The following NEGR1 variants were observed in gnomAD, a reference collection of about 807,000 sequenced individuals.
NEGR1 encodes the protein IgLON family member 4.
A neutral mutation model predicts 40.9 loss-of-function variants in NEGR1; 10 were observed. The ratio of observed to expected loss-of-function variants is 0.24; its 90% CI spans 0.15 to 0.42. The LOEUF (loss-of-function observed/expected upper bound fraction) is 0.42. NEGR1 is among the 10% of genes least tolerant of loss of function. The pLI, the probability that NEGR1 is intolerant of heterozygous loss-of-function variation, is 1.00. For synonymous variants in NEGR1, 185 were observed against 166.8 expected, an observed-to-expected ratio of 1.11 and a Z score of -0.84; for missense variants, 352 against 438.9, an observed-to-expected ratio of 0.80 and a Z score of 1.77.
At chr1:71,513,924 G>A (rs575097417) in intron 6 of NEGR1, among the ~76,000 whole-genome samples, 6 of 145,336 alleles carry the variant, frequency 4.1e-5, no homozygotes, top group Non-Finnish European at 6.0e-5. Flanking sequence ...AGCGCAAGGG[G>A]TCAGGGAGTT....
At chr1:71,558,744 A>T (rs1553150111) in intron 6 of NEGR1, among the ~76,000 whole-genome samples, 5 of 122,544 alleles carry the variant, frequency 4.1e-5, no homozygotes, top group Non-Finnish European at 3.3e-5. Context: ...TTTTTTTAGC[A>T]CTTCTTTACA....
chr1:71,451,067 A>C (rs1026636098), intron 6 of NEGR1, among the ~76,000 whole-genome samples: 1 of 152,142 alleles, frequency 6.6e-6, no homozygotes, highest in Admixed American at 6.5e-5. Flanking sequence ...CAGACTAGTA[A>C]TCACTTTTCA....
intron 6 of NEGR1, among the ~76,000 whole-genome samples, chr1:71,456,381 T>C (rs563060823): frequency 6.6e-6 from 1 of 152,318 alleles, no homozygotes; most frequent in Admixed American, 6.5e-5. Context: ...CTGCTAGGAT[T>C]GCAACAATGA....
intron 1 of NEGR1, among the ~76,000 whole-genome samples, chr1:72,260,945 GT>G (rs1296924769): frequency 2.0e-5 from 3 of 151,960 alleles, no homozygotes; most frequent in African/African-American, 7.2e-5. Context: ...TAAAATGTCT[GT>G]CCATATTAAT....
intron 2 of NEGR1, among the ~76,000 whole-genome samples, chr1:71,898,650 A>C (rs1051837667): frequency 7.1e-6 from 1 of 139,964 alleles, no homozygotes; most frequent in Non-Finnish European, 1.6e-5. Context: ...AATAAACAAA[A>C]AAACTGCTTT....
chr1:72,134,935 C>T (rs182318316), intron 1 of NEGR1, among the ~76,000 whole-genome samples: 1 of 151,138 alleles, frequency 6.6e-6, no homozygotes, highest in Non-Finnish European at 1.5e-5. Flanking sequence ...CGGGGTTTCT[C>T]CATGTTGGTC....
chr1:71,900,343 C>T (rs540320966), intron 2 of NEGR1, among the ~76,000 whole-genome samples: 20 of 152,106 alleles, frequency 1.3e-4, no homozygotes, highest in Non-Finnish European at 2.8e-4. Context: ...TTATCCTAGT[C>T]ATGCAAATAA....
intron 1 of NEGR1, among the ~76,000 whole-genome samples, chr1:71,984,989 C>T (rs931889466): frequency 2.0e-5 from 3 of 152,030 alleles, no homozygotes; most frequent in Admixed American, 6.6e-5. Flanking sequence ...CTATTATTAT[C>T]CCTATTTTTC....
chr1:71,742,985 A>G (rs1008642900), intron 3 of NEGR1, among the ~76,000 whole-genome samples: 1 of 152,144 alleles, frequency 6.6e-6, no homozygotes, highest in Non-Finnish European at 1.5e-5. Flanking sequence ...CTCTTAAAAG[A>G]AGACACAAGA....
chr1:71,646,578 G>A (rs976554997), intron 4 of NEGR1, among the ~76,000 whole-genome samples: 3 of 151,836 alleles, frequency 2.0e-5, no homozygotes, highest in African/African-American at 7.2e-5. Flanking sequence ...GTGTACCAGA[G>A]AGCAAGACAA....
At chr1:71,597,452 C>CTG (rs1649753995) in intron 5 of NEGR1, among the ~76,000 whole-genome samples, 1 of 52,454 alleles carries the variant, frequency 1.9e-5, no homozygotes, top group African/African-American at 5.4e-5. Context: ...CTCTCTCTCT[C>CTG]TCTCTCTCTC....
chr1:71,738,974 TCAAAGTGACTTAACA>T (rs1557633938), intron 3 of NEGR1, among the ~76,000 whole-genome samples: 1 of 151,928 alleles, frequency 6.6e-6, no homozygotes, highest in South Asian at 2.1e-4. Context: ...AAAAAGAGCC[TCAAAGTGACTTAACA>T]CAAAACAAAC....
intron 4 of NEGR1, among the ~76,000 whole-genome samples, chr1:71,670,772 C>A (rs973988801): frequency 1.3e-5 from 2 of 150,216 alleles, no homozygotes; most frequent in Non-Finnish European, 2.9e-5. Context: ...AACAACAATT[C>A]TGTTTTTTTC....
chr1:72,005,945 T>C (rs1646603310), intron 1 of NEGR1, among the ~76,000 whole-genome samples: 1 of 152,146 alleles, frequency 6.6e-6, no homozygotes, highest in South Asian at 2.1e-4. Flanking sequence ...TCTAATACAA[T>C]TTTACTCATT....
At chr1:71,659,461 A>T (rs1034423803) in intron 4 of NEGR1, among the ~76,000 whole-genome samples, 1 of 152,174 alleles carries the variant, frequency 6.6e-6, no homozygotes, top group Non-Finnish European at 1.5e-5. Context: ...ATCACAAACA[A>T]AAGCAAAAAT....
At chr1:71,418,090 T>TTTTTG (rs1553140057) in intron 6 of NEGR1, among the ~76,000 whole-genome samples, 1 of 151,192 alleles carries the variant, frequency 6.6e-6, no homozygotes, top group African/African-American at 2.4e-5. Context: ...TTTTTTTTTT[T>TTTTTG]GAGGCATACC....
intron 1 of NEGR1, among the ~76,000 whole-genome samples, chr1:72,057,610 C>G (rs1177992541): frequency 6.6e-6 from 1 of 151,440 alleles, no homozygotes; most frequent in Non-Finnish European, 1.5e-5. Context: ...AGACGAGGGG[C>G]CCCTCCAGCC....
chr1:71,776,567 G>A (rs1351639383), intron 2 of NEGR1, among the ~76,000 whole-genome samples: 1 of 152,062 alleles, frequency 6.6e-6, no homozygotes, highest in Non-Finnish European at 1.5e-5. Flanking sequence ...GATTAAATAT[G>A]TATTATGAGT....
At chr1:71,962,228 G>T (rs1023681528) in intron 1 of NEGR1, among the ~76,000 whole-genome samples, 1 of 151,896 alleles carries the variant, frequency 6.6e-6, no homozygotes, top group East Asian at 1.9e-4. Flanking sequence ...CAAAACAATC[G>T]CAGGCATCAT....
Sources: allele counts gnomAD v4.1 joint callset (sites outside exome capture counted in the v4.1 genomes callset), GRCh38; gene constraint gnomAD v4.1.1; transcripts MANE v1.5; gene names NCBI Gene and HGNC (gene_info 2026-07-23, HGNC 2026-07-21).